Variants in SETD2 observed in about 807,000 individuals in gnomAD.
SETD2 encodes the protein SET domain containing 2, histone lysine methyltransferase.
Under a neutral mutation model 242.1 loss-of-function variants are expected in SETD2, and 31 were observed. The ratio of observed to expected loss-of-function variants is 0.13; its 90% CI spans 0.10 to 0.17. The LOEUF is 0.17. SETD2 is among the 10% of genes least tolerant of loss of function. The pLI is 1.00. For synonymous variants in SETD2, 1,006 were observed against 1,066.5 expected (o/e 0.94, Z 1.11); for missense variants, 2,481 against 3,046.3 (o/e 0.81, Z 4.37).
At chr3:47,130,947 A>T (rs1462281188) in intron 1 of SETD2, among the ~76,000 whole-genome samples, 1 of 152,206 alleles carries the variant, frequency 6.6e-6, no homozygotes, top group Non-Finnish European at 1.5e-5. Flanking sequence ...AGTTTTAGTC[A>T]TGGCAAGCTC....
chr3:47,158,658 CT>C (rs1233664423), intron 1 of SETD2, among the ~76,000 whole-genome samples: 1 of 152,136 alleles, frequency 6.6e-6, no homozygotes, highest in Non-Finnish European at 1.5e-5. Flanking sequence ...AGACTATGTT[CT>C]CAGTAAAGTC....
intron 12 of SETD2, among the ~76,000 whole-genome samples, chr3:47,073,150 CAAA>C (rs10712927): frequency 1.5e-5 from 2 of 130,382 alleles, no homozygotes. Flanking sequence ...CATTCCATCT[CAAA>C]AAAAAAAAAA....
intron 6 of SETD2, among the ~76,000 whole-genome samples, chr3:47,104,753 C>G (rs1293233701): frequency 6.6e-6 from 1 of 152,110 alleles, no homozygotes; most frequent in Non-Finnish European, 1.5e-5. Context: ...TTTCTGGCCA[C>G]AAAACATCAA....
intron 5 of SETD2, among the ~76,000 whole-genome samples, chr3:47,108,266 A>G (rs913636497): frequency 3.3e-5 from 5 of 152,206 alleles, no homozygotes; most frequent in Non-Finnish European, 7.3e-5. Flanking sequence ...GCACACATAA[A>G]AAATATTTCC....
chr3:47,067,073 T>C lies in SETD2; in HGVS notation c.6106A>G (p.Thr2036Ala), dbSNP rs374583536. 1 of 1,608,274 alleles carries C rather than the reference T, an allele frequency of 6.2e-7. No individual in the cohort carries two copies. Among genetic ancestry groups the C allele is most frequent in the South Asian group, 1.1e-5 (1 of 90,922 alleles). ...CAGAGTATCTCTGAATACCTACTTG[T>C]GTTTTCCTTTTCAGTTTGACTTTTC... ...PKKSQTEKENTTTERGRDAVG... is the reference protein window; with the variant it reads ...PKKSQTEKENATTERGRDAVG... Residue 2036 changes from threonine to alanine, a missense_variant, in exon 13 of 21, where the codon ACA becomes GCA. Physicochemically the swap from Thr to Ala is moderately conservative, Grantham distance 58. This residue lies in a region of SETD2 where 80 missense variants were observed against 102.6 expected (regional missense o/e 0.78). Coordinates refer to ENST00000409792, the MANE Select transcript of SETD2 (RefSeq NM_014159.7).
intron 19 of SETD2, among the ~76,000 whole-genome samples, chr3:47,018,706 CT>C (rs952691658): frequency 6.6e-6 from 1 of 152,214 alleles, no homozygotes; most frequent in Non-Finnish European, 1.5e-5. Flanking sequence ...TCATTACCCC[CT>C]GCTTAAAATT....
intron 3 of SETD2, among the ~76,000 whole-genome samples, chr3:47,118,980 G>A (rs1301910310): frequency 1.3e-5 from 2 of 151,938 alleles, no homozygotes; most frequent in Non-Finnish European, 2.9e-5. Context: ...CTGTTAAAAG[G>A]TTATTTTGTA....
chr3:47,109,538 C>T (rs1167631341), intron 5 of SETD2, among the ~76,000 whole-genome samples: 1 of 152,018 alleles, frequency 6.6e-6, no homozygotes, highest in African/African-American at 2.4e-5. Flanking sequence ...GTCCCAGCTA[C>T]TGAGGAGGCT....
At chr3:47,068,384 TAA>T (rs927633375) in intron 12 of SETD2, among the ~76,000 whole-genome samples, 3 of 152,172 alleles carry the variant, frequency 2.0e-5, no homozygotes, top group African/African-American at 7.2e-5. Context: ...AAAATTTTTT[TAA>T]ACCTCCAATA....
chr3:47,126,800 C>A, intron 1 of SETD2, 137 bp from the exon 2 acceptor site: 1 of 538,066 alleles, frequency 1.9e-6, no homozygotes, highest in South Asian at 2.7e-5. Context: ...ATGGATTGTC[C>A]ATTCCTTCAC....
rs571829295 is a variant in SETD2 at position 47,019,877 on chromosome 3, G to A, written c.7351-37C>T. On this transcript the variant is annotated intron_variant, in intron 18 of 20. Coordinates refer to ENST00000409792, the MANE Select transcript of SETD2 (RefSeq NM_014159.7). ...GGAGAAAACACAGTGGTGCTGGCAT[G>A]AGAAGTCAGTTTAGTGATGCCCTAC... 7 of 1,566,680 alleles carry A rather than the reference G, an allele frequency of 4.5e-6. No individual in the cohort carries two copies. The South Asian group carries it at 5.6e-5, about 12-fold the overall frequency.
At chr3:47,066,960 A>G in intron 13 of SETD2, 110 bp downstream of exon 13, 1 of 722,550 alleles carries the variant, frequency 1.4e-6, no homozygotes, top group South Asian at 2.0e-5. Context: ...ACCTAGTTAT[A>G]TATTCTCTAG....
At chr3:47,114,116 T>C in intron 4 of SETD2, 112 bp from the exon 5 acceptor site, 1 of 1,103,116 alleles carries the variant, frequency 9.1e-7, no homozygotes, top group East Asian at 2.5e-5. Context: ...ATGGTATAAT[T>C]AGCATATGTA....
chr3:47,106,923 C>G (rs1446515941), intron 5 of SETD2, among the ~76,000 whole-genome samples: 2 of 152,024 alleles, frequency 1.3e-5, no homozygotes, highest in Non-Finnish European at 2.9e-5. Flanking sequence ...AAATCTAATT[C>G]CCTTTATGTA....
chr3:47,163,984 G>C lies in SETD2; in HGVS notation c.-60C>G, dbSNP rs919550063. 20 of 1,249,796 alleles carry C rather than the reference G, an allele frequency of 1.6e-5. No individual in the cohort carries two copies. The highest frequency in any genetic ancestry group is 4.1e-5 in the Admixed American group (1 of 24,328). The allele number at this position is 1,249,796 out of a possible 1,614,324, so 77.4% of individuals were successfully genotyped here. A position where few individuals can be genotyped will look rare whatever the true frequency, so the allele number is the denominator to read the frequency against. ...CCCCGCAGCAGGGCGACGCGGGGGA[G>C]GGGAGGGGAGGAGGCCGCAGGTCCG... On this transcript the variant is annotated 5_prime_UTR_variant, in exon 1 of 21. Coordinates refer to ENST00000409792, the MANE Select transcript of SETD2 (RefSeq NM_014159.7).
intron 1 of SETD2, among the ~76,000 whole-genome samples, chr3:47,142,582 GA>G (rs1011750659): frequency 6.6e-6 from 1 of 151,198 alleles, no homozygotes; most frequent in African/African-American, 2.4e-5. Flanking sequence ...TACTGTTAAG[GA>G]AAAAAAGCAA....
rs2040101618 is a variant in SETD2, at chr3:47,056,814, T to C, written c.6963+7A>G. 2 of 1,608,276 alleles carry C rather than the reference T, an allele frequency of 1.2e-6. No homozygotes were observed. Among genetic ancestry groups the C allele is most frequent in the East Asian group, 4.5e-5 (2 of 44,756 alleles). ...AAGCAGAAAAGAAAAGTTTCAGAAT[T>C]AGTTACCTGTACAATTGGTGGAGTT... On this transcript the variant is annotated splice_region_variant and intron_variant, in intron 15 of 20. Transcript: ENST00000409792.
In SETD2 at chr3:47,126,673, T is replaced by C; in HGVS notation, c.72-10A>G. The C allele has an allele frequency of 7.5e-7, 1 of 1,328,598 alleles. No individual in the cohort carries two copies. The highest frequency in any genetic ancestry group is 1.3e-5 in the South Asian group (1 of 78,706). The allele number at this position is 1,328,598 out of a possible 1,614,324, so 82.3% of individuals were successfully genotyped here. A position where few individuals can be genotyped will look rare whatever the true frequency, so the allele number is the denominator to read the frequency against. On this transcript the variant is annotated splice_polypyrimidine_tract_variant and intron_variant, in intron 1 of 20. Transcript: ENST00000409792. ...CTCATTTTCTTCTTCTCTATTTCCA[T>C]TCAGCCAAGAAAACATGCAAAAGAA...
chr3:47,108,391 C>A (rs2042523072), intron 5 of SETD2, among the ~76,000 whole-genome samples: 1 of 152,128 alleles, frequency 6.6e-6, no homozygotes, highest in African/African-American at 2.4e-5. Flanking sequence ...TGTCATCTGG[C>A]ATCGATATTA....
Sources: gnomAD v4.1 joint callset for allele counts (sites outside exome capture counted in the v4.1 genomes callset) on GRCh38, gnomAD v4.1.1 for gene constraint, gnomAD v4.1.1 regional missense constraint, MANE v1.5 for transcripts, NCBI Gene and HGNC (gene_info 2026-07-23, HGNC 2026-07-21) for gene names.